PALD1: variants seen among roughly 807,000 people sequenced by gnomAD.
PALD1 encodes paladin.
A neutral mutation model predicts 96.0 loss-of-function variants in PALD1; 57 were observed. The observed-to-expected ratio is 0.59, with a 90% CI of 0.48 to 0.74. PALD1 has a LOEUF of 0.74. PALD1 is among the 30% of genes least tolerant of loss of function. The probability of loss-of-function intolerance (pLI) is 0.00; values close to 1 mark genes in which losing one functional copy is unlikely to be tolerated. For missense variants in PALD1, 1,063 were observed against 1,143.7 expected (o/e 0.93, Z 1.02); for synonymous variants, 464 against 473.6 (o/e 0.98, Z 0.26).
intron 1 of PALD1, among the ~76,000 whole-genome samples, chr10:70,509,845 C>T (rs759284778): frequency 6.6e-6 from 1 of 152,180 alleles, no homozygotes; most frequent in Non-Finnish European, 1.5e-5. Context: ...AGCCAGTACA[C>T]CAGCTCTGCT....
intron 17 of PALD1, among the ~76,000 whole-genome samples, chr10:70,545,040 G>A (rs140155570): frequency 2.7e-3 from 403 of 149,528 alleles, no homozygotes; most frequent in Non-Finnish European, 4.8e-3. Context: ...TGATGCTGGG[G>A]CACCGGGCAG....
At chr10:70,533,799 T>C (rs557197084) in intron 7 of PALD1, 123 bp from the exon 8 acceptor site, 2 of 868,872 alleles carry the variant, frequency 2.3e-6, no homozygotes, top group Admixed American at 6.9e-5. Flanking sequence ...AGACACCTAT[T>C]GGAGCCCACT....
Position 70,541,055 on chromosome 10 carries a change from G to A in PALD1, c.1909-47G>A, listed in dbSNP as rs535868538. On this transcript the variant is annotated intron_variant, in intron 15 of 19. Transcript: ENST00000263563. The stretch of plus-strand genomic sequence containing the variant: ...GGATGGGGACCCTGTTGGGGTTTGT[G>A]CATCCAAGAGACGCCCGCTGACCCA... 3.1e-5 allele frequency: 48 copies of A among 1,537,350 alleles called. No individual in the cohort carries two copies. In the South Asian group the frequency reaches 6.0e-4, roughly 19 times the overall value.
intron 1 of PALD1, among the ~76,000 whole-genome samples, chr10:70,495,139 C>T (rs983265409): frequency 8.5e-5 from 13 of 152,224 alleles, no homozygotes; most frequent in African/African-American, 2.4e-5. Context: ...CGGGCCGTTC[C>T]CTCTGCTGCC....
rs1181584641 is a variant in PALD1, at chr10:70,478,799, CGGCGCGCACGGGCCGG to C, written c.-281_-266del. 1 of 151,450 alleles carries C rather than the reference CGGCGCGCACGGGCCGG, an allele frequency of 6.6e-6. No individual in the cohort carries two copies. Among genetic ancestry groups the C allele is most frequent in the Admixed American group, 6.6e-5 (1 of 15,200 alleles). 9.4% of individuals were successfully genotyped at this position (151,450 alleles called of 1,614,324 possible). A position where few individuals can be genotyped will look rare whatever the true frequency, so the allele number is the denominator to read the frequency against. ...GGTAGCGGGGCGCTGGGGAGCAGCG[CGGCGCGCACGGGCCGG>C]GGCGCGCAGGTCCCGTCGCCGGTGA... On this transcript the variant is annotated 5_prime_UTR_variant, in exon 1 of 20. Transcript: ENST00000263563.
the PALD1 span, among the ~76,000 whole-genome samples, chr10:70,467,808 G>C: frequency 1.6e-4 from 24 of 152,126 alleles, no homozygotes; most frequent in Non-Finnish European, 2.6e-4. Flanking sequence ...GGAGTGCATG[G>C]AGGGGATTCT....
At chr10:70,494,978 CTT>C (rs897405988) in intron 1 of PALD1, among the ~76,000 whole-genome samples, 4 of 152,224 alleles carry the variant, frequency 2.6e-5, no homozygotes, top group Non-Finnish European at 5.9e-5. Flanking sequence ...AAGTGCACAT[CTT>C]TAGCTCAGCC....
At chr10:70,506,954 C>T (rs1013419368) in intron 1 of PALD1, among the ~76,000 whole-genome samples, 2 of 152,310 alleles carry the variant, frequency 1.3e-5, no homozygotes, top group East Asian at 3.9e-4. Context: ...GCAGTCAACA[C>T]ATGGTGGCCA....
chr10:70,560,507 T>A (rs4747055), intron 18 of PALD1, among the ~76,000 whole-genome samples: 146,703 of 152,178 alleles, frequency 0.96, 70,938 homozygotes, highest in East Asian at 1. Context: ...CCTCCTTCAC[T>A]GGGTTGCTAG....
chr10:70,542,307 C>T (rs189821352), intron 17 of PALD1, among the ~76,000 whole-genome samples: 46 of 152,248 alleles, frequency 3.0e-4, no homozygotes, highest in African/African-American at 1.0e-3. Context: ...TAAAATGTAC[C>T]ATTTCAACCA....
At position 70,507,247 on chromosome 10, in the gene PALD1, CA is replaced by C. The variant is rs752281450; in HGVS notation, c.-29-18661del. 6.1e-3 allele frequency among the ~76,000 whole-genome samples: 846 copies of C among 138,486 alleles called. 30 individuals are homozygous for C. In the East Asian group the frequency reaches 0.098, roughly 16 times the overall value. 90.9% of individuals were successfully genotyped at this position (138,486 alleles called of 152,430 possible). On this transcript the variant is annotated intron_variant, in intron 1 of 19. Coordinates refer to ENST00000263563, the MANE Select transcript of PALD1 (RefSeq NM_014431.3). ...TGAAACCCCGTCTCTACTAAAAATA[CA>C]AAAAAAAAAAAAAATTAGCCGGGCA... is the stretch of plus-strand genomic sequence containing the variant.
At chr10:70,536,318 G>GAACCCA (rs1847115159) in intron 10 of PALD1, among the ~76,000 whole-genome samples, 2 of 148,724 alleles carry the variant, frequency 1.3e-5, no homozygotes, top group African/African-American at 4.8e-5. Flanking sequence ...AAAACAAAAC[G>GAACCCA]AACCCAAACC....
upstream of PALD1, among the ~76,000 whole-genome samples, chr10:70,474,802 G>C (rs889230425): frequency 6.6e-6 from 1 of 152,164 alleles, no homozygotes; most frequent in Non-Finnish European, 1.5e-5. Context: ...ATATGATGCC[G>C]ATAACTGAAC....
At chr10:70,510,090 G>C (rs1173172825) in intron 1 of PALD1, among the ~76,000 whole-genome samples, 1 of 152,084 alleles carries the variant, frequency 6.6e-6, no homozygotes, top group Non-Finnish European at 1.5e-5. Flanking sequence ...GGGATGTGTG[G>C]GGCAAATTCA....
At chr10:70,528,511 C>T (rs377221090) in intron 2 of PALD1, among the ~76,000 whole-genome samples, 8 of 152,168 alleles carry the variant, frequency 5.3e-5, no homozygotes, top group African/African-American at 1.4e-4. Flanking sequence ...AGTTACCAAG[C>T]GGTGGGTGGA....
At chr10:70,502,442 T>A (rs1164531060) in intron 1 of PALD1, among the ~76,000 whole-genome samples, 1 of 150,986 alleles carries the variant, frequency 6.6e-6, no homozygotes, top group Admixed American at 6.6e-5. Flanking sequence ...GATACCTTTG[T>A]GGCCCTGTCT....
chr10:70,518,687 T>C (rs1846663376), intron 1 of PALD1, among the ~76,000 whole-genome samples: 1 of 152,188 alleles, frequency 6.6e-6, no homozygotes, highest in Admixed American at 6.5e-5. Flanking sequence ...TGGGTCAGGA[T>C]TAAATGAGAT....
intron 1 of PALD1, among the ~76,000 whole-genome samples, chr10:70,494,481 A>G (rs1184137028): frequency 1.3e-5 from 2 of 151,920 alleles, no homozygotes; most frequent in Non-Finnish European, 2.9e-5. Context: ...TGGTCTCTCC[A>G]CTCCCTGCCC....
chr10:70,491,731 T>C (rs1846101958), intron 1 of PALD1, among the ~76,000 whole-genome samples: 1 of 152,178 alleles, frequency 6.6e-6, no homozygotes, highest in South Asian at 2.1e-4. Context: ...ACTCCATCCA[T>C]CCATTAAGTA....
Sources: allele counts gnomAD v4.1 joint callset (sites outside exome capture counted in the v4.1 genomes callset), GRCh38; gene constraint gnomAD v4.1.1; transcripts MANE v1.5; gene names NCBI Gene and HGNC (gene_info 2026-07-23, HGNC 2026-07-21).